The following PPARGC1A variants were observed in gnomAD, a reference collection of about 807,000 sequenced individuals.
PPARGC1A encodes the protein peroxisome proliferator-activated receptor gamma coactivator 1-alpha.
PPARGC1A carries 25 observed loss-of-function variants against 88.7 expected under a neutral mutation model. That is an observed-to-expected ratio of 0.28 (90% confidence interval 0.21 to 0.39). The LOEUF is 0.39. Among genes scored for constraint, PPARGC1A ranks in the 10% least tolerant of loss-of-function variants. The probability of loss-of-function intolerance (pLI) is 1.00; values close to 1 mark genes in which losing one functional copy is unlikely to be tolerated. For missense variants in PPARGC1A, 880 were observed against 968.7 expected, an observed-to-expected ratio of 0.91 and a Z score of 1.22; for synonymous variants, 363 against 355.6, an observed-to-expected ratio of 1.02 and a Z score of -0.24.
the PPARGC1A span, among the ~76,000 whole-genome samples, chr4:24,161,109 G>A: frequency 6.6e-6 from 1 of 152,218 alleles, no homozygotes; most frequent in East Asian, 1.9e-4. Flanking sequence ...CCTACTGACT[G>A]GTCCTAAATA....
chr4:24,363,108 T>C, the PPARGC1A span, among the ~76,000 whole-genome samples: 865 of 152,330 alleles, frequency 5.7e-3, 10 homozygotes, highest in African/African-American at 0.02. Flanking sequence ...TTCCTTTTCA[T>C]ATTTCCCTAT....
At chr4:24,408,743 A>G in the PPARGC1A span, among the ~76,000 whole-genome samples, 69 of 152,288 alleles carry the variant, frequency 4.5e-4, no homozygotes, top group Middle Eastern at 3.4e-3. Flanking sequence ...GATCCAGCCC[A>G]CTGGTATCTT....
At chr4:23,985,041 T>C in the PPARGC1A span, among the ~76,000 whole-genome samples, 6 of 152,100 alleles carry the variant, frequency 3.9e-5, no homozygotes, top group Middle Eastern at 6.8e-3. Context: ...TAATTAAAGC[T>C]CTGGGAATTA....
chr4:23,839,075 T>C (rs1726565626), intron 2 of PPARGC1A, among the ~76,000 whole-genome samples: 1 of 152,278 alleles, frequency 6.6e-6, no homozygotes, highest in Middle Eastern at 3.4e-3. Flanking sequence ...CCCATGGGAA[T>C]CCATTTAATT....
the PPARGC1A span, among the ~76,000 whole-genome samples, chr4:24,403,218 C>CA: frequency 6.6e-6 from 1 of 152,274 alleles, no homozygotes; most frequent in East Asian, 1.9e-4. Flanking sequence ...CCACGGCTAT[C>CA]ATGAAGATGA....
chr4:23,928,358 A>G, the PPARGC1A span, among the ~76,000 whole-genome samples: 2 of 152,184 alleles, frequency 1.3e-5, no homozygotes, highest in African/African-American at 4.8e-5. Context: ...CTCAACAAGA[A>G]TTGCTATGAA....
the PPARGC1A span, among the ~76,000 whole-genome samples, chr4:24,297,129 G>C: frequency 2.0e-5 from 3 of 152,160 alleles, no homozygotes; most frequent in African/African-American, 7.2e-5. Flanking sequence ...TAGTGCATTA[G>C]AAGAAAGTGT....
At chr4:23,830,972 C>G (rs1724889881) in intron 3 of PPARGC1A, among the ~76,000 whole-genome samples, 1 of 151,944 alleles carries the variant, frequency 6.6e-6, no homozygotes, top group Admixed American at 6.6e-5. Context: ...GTTGATCTAC[C>G]AATTCTTTCT....
the PPARGC1A span, among the ~76,000 whole-genome samples, chr4:24,194,642 A>G: frequency 1.7e-3 from 33 of 19,910 alleles, 1 homozygote; most frequent in African/African-American, 3.4e-3. Context: ...ACACACACAC[A>G]CACACACACA....
chr4:23,865,268 T>C (rs1386460795), intron 2 of PPARGC1A, among the ~76,000 whole-genome samples: 1 of 152,142 alleles, frequency 6.6e-6, no homozygotes, highest in African/African-American at 2.4e-5. Flanking sequence ...AACATGGCAA[T>C]GTGACTGGCC....
At chr4:24,019,496 T>C in the PPARGC1A span, among the ~76,000 whole-genome samples, 1 of 152,130 alleles carries the variant, frequency 6.6e-6, no homozygotes, top group Non-Finnish European at 1.5e-5. Flanking sequence ...ACCCTGAGGG[T>C]AAAATTTCAG....
intron 2 of PPARGC1A, among the ~76,000 whole-genome samples, chr4:23,832,752 G>C (rs1295916722): frequency 6.6e-6 from 1 of 151,686 alleles, no homozygotes; most frequent in Non-Finnish European, 1.5e-5. Flanking sequence ...TGGGACTACA[G>C]GTGTCCGCCA....
the PPARGC1A span, among the ~76,000 whole-genome samples, chr4:24,273,342 C>T: frequency 2.0e-5 from 3 of 152,158 alleles, no homozygotes; most frequent in Non-Finnish European, 4.4e-5. Context: ...GAATTCCTGT[C>T]GTGTCTTTCT....
chr4:24,129,123 T>G, the PPARGC1A span, among the ~76,000 whole-genome samples: 1 of 152,234 alleles, frequency 6.6e-6, no homozygotes, highest in East Asian at 1.9e-4. Flanking sequence ...TGGGTGTTCT[T>G]GTCATCTGAA....
the PPARGC1A span, among the ~76,000 whole-genome samples, chr4:24,330,862 T>A: frequency 1.3e-5 from 2 of 152,122 alleles, no homozygotes; most frequent in African/African-American, 4.8e-5. Flanking sequence ...TTTTTCCATT[T>A]GACTCCTCCA....
the PPARGC1A span, among the ~76,000 whole-genome samples, chr4:24,053,678 C>T: frequency 7.2e-5 from 11 of 152,118 alleles, no homozygotes; most frequent in Non-Finnish European, 1.3e-4. Flanking sequence ...CTTTGTGACA[C>T]GATGCAAGAT....
chr4:23,947,960 C>T, the PPARGC1A span, among the ~76,000 whole-genome samples: 1 of 152,116 alleles, frequency 6.6e-6, no homozygotes, highest in East Asian at 1.9e-4. Context: ...CCCAGTCCTT[C>T]CTGGTTATGA....
At chr4:24,044,466 C>A in the PPARGC1A span, among the ~76,000 whole-genome samples, 1 of 152,120 alleles carries the variant, frequency 6.6e-6, no homozygotes, top group Admixed American at 6.5e-5. Context: ...ACAGAAGCCT[C>A]TGTAGGGTCA....
chr4:24,204,345 T>G, the PPARGC1A span, among the ~76,000 whole-genome samples: 1 of 152,168 alleles, frequency 6.6e-6, no homozygotes, highest in African/African-American at 2.4e-5. Flanking sequence ...ATAGGTTCTT[T>G]GAGGGCAAAA....
Sources: allele counts gnomAD v4.1 joint callset (sites outside exome capture counted in the v4.1 genomes callset), GRCh38; gene constraint gnomAD v4.1.1; transcripts MANE v1.5; gene names NCBI Gene and HGNC (gene_info 2026-07-23, HGNC 2026-07-21).